The following GAD2 variants were observed in gnomAD, a reference collection of about 807,000 sequenced individuals.
GAD2 encodes glutamate decarboxylase 2.
A neutral mutation model predicts 80.1 loss-of-function variants in GAD2; 22 were observed. That is an observed-to-expected ratio of 0.27 (90% CI 0.20 to 0.39). The LOEUF (loss-of-function observed/expected upper bound fraction) is 0.39. Among genes scored for constraint, GAD2 ranks in the 10% least tolerant of loss-of-function variants. GAD2 has a pLI of 1.00. For missense variants in GAD2, 624 were observed against 738.4 expected (o/e 0.85, Z 1.80); for synonymous variants, 274 against 256.9 (o/e 1.07, Z -0.64).
chr10:26,241,342 A>G (rs1165017698), intron 7 of GAD2, among the ~76,000 whole-genome samples: 2 of 152,148 alleles, frequency 1.3e-5, no homozygotes, highest in African/African-American at 4.8e-5. Context: ...TGTAGCTTCC[A>G]ATTTTTGTTC....
At chr10:26,271,467 T>C (rs760524045) in intron 10 of GAD2, among the ~76,000 whole-genome samples, 26 of 152,346 alleles carry the variant, frequency 1.7e-4, no homozygotes, top group East Asian at 1.5e-3. Flanking sequence ...AGCTACCACC[T>C]GCAAACTGTT....
At chr10:26,293,019 T>C in intron 15 of GAD2, 28 bp downstream of exon 15, 1 of 1,537,828 alleles carries the variant, frequency 6.5e-7, no homozygotes, top group Non-Finnish European at 9.0e-7. Flanking sequence ...CTCTGATACA[T>C]GTGTGTATTG....
chr10:26,264,532 G>A (rs569199259), intron 8 of GAD2, among the ~76,000 whole-genome samples: 3 of 152,018 alleles, frequency 2.0e-5, no homozygotes, highest in South Asian at 4.2e-4. Context: ...GGATGGTCTC[G>A]ATCTCCTGAC....
intron 8 of GAD2, among the ~76,000 whole-genome samples, chr10:26,263,272 G>T (rs1845029635): frequency 6.6e-6 from 1 of 152,124 alleles, no homozygotes; most frequent in Non-Finnish European, 1.5e-5. Flanking sequence ...AATCATTATA[G>T]TTAAAGTTCT....
intron 7 of GAD2, among the ~76,000 whole-genome samples, chr10:26,237,021 G>A (rs1844680397): frequency 6.6e-6 from 1 of 152,232 alleles, no homozygotes; most frequent in South Asian, 2.1e-4. Flanking sequence ...GTGAGGTGCT[G>A]AGACACAACT....
In GAD2 at chr10:26,303,456, G is replaced by GAGGAAGGAAGGAAGGAAATGA. The variant is rs200283231; in HGVS notation, c.*2498_*2499insAAGGAAGGAAGGAAATGAAGG. The GAGGAAGGAAGGAAGGAAATGA allele has an allele frequency of 1.5e-5, 1 of 65,124 alleles. No individual in the cohort carries two copies. The highest frequency in any genetic ancestry group is 1.4e-4 in the Admixed American group (1 of 7,178). The allele number at this position is 65,124 out of a possible 1,614,324, so 4.0% of individuals were successfully genotyped here. ...AGAGTAAGGGAGGAAGGGAGGGAGG[G>GAGGAAGGAAGGAAGGAAATGA]AGGGAGGGAGGGAAGGAGGGAGGGA... On this transcript the variant is annotated 3_prime_UTR_variant, in exon 16 of 16. Coordinates refer to ENST00000376261, the MANE Select transcript of GAD2 (RefSeq NM_001134366.2).
chr10:26,279,676 C>A (rs1845250826), intron 11 of GAD2, among the ~76,000 whole-genome samples: 1 of 152,214 alleles, frequency 6.6e-6, no homozygotes, highest in African/African-American at 2.4e-5. Context: ...TGAACCAGGA[C>A]TACAGCTCAG....
intron 15 of GAD2, among the ~76,000 whole-genome samples, chr10:26,297,384 C>T (rs1834286448): frequency 1.3e-5 from 2 of 152,150 alleles, no homozygotes; most frequent in Non-Finnish European, 2.9e-5. Flanking sequence ...CTTTACTATG[C>T]ACCCTCTTTG....
Position 26,217,728 on chromosome 10 carries a change from C to A in GAD2, c.136+59C>A. Reference sequence around the variant, plus strand: ...GCCCGCGGGGTCCAAGCAGTCTTCTCACCTCCGCATCCCAGTCAGCGGAGT... The same window carrying A: ...GCCCGCGGGGTCCAAGCAGTCTTCTAACCTCCGCATCCCAGTCAGCGGAGT... On this transcript the variant is annotated intron_variant, in intron 2 of 15. Coordinates refer to ENST00000376261, the MANE Select transcript of GAD2 (RefSeq NM_001134366.2). This position sits in a 1 kb window ranked among gnomAD's most constrained non-coding sequence, Gnocchi z 4.9. 6.3e-7 allele frequency: 1 copy of A among 1,597,278 alleles called. No homozygotes were observed. The highest frequency in any genetic ancestry group is 1.1e-5 in the South Asian group (1 of 89,104).
intron 7 of GAD2, among the ~76,000 whole-genome samples, chr10:26,229,991 A>G (rs1278753371): frequency 6.6e-6 from 1 of 152,104 alleles, no homozygotes; most frequent in Non-Finnish European, 1.5e-5. Context: ...AGCCTGGGCA[A>G]TATAGTGAAA....
At chr10:26,282,738 CAA>C (rs1310172180) in intron 12 of GAD2, among the ~76,000 whole-genome samples, 2 of 152,282 alleles carry the variant, frequency 1.3e-5, no homozygotes, top group Middle Eastern at 3.4e-3. Context: ...ATTGCTGGGT[CAA>C]AGAGTGTTAT....
chr10:26,254,961 G>C lies in GAD2; in HGVS notation c.920+8961G>C, dbSNP rs76244543. On this transcript the variant is annotated intron_variant, in intron 8 of 15. Coordinates refer to ENST00000376261, the MANE Select transcript of GAD2 (RefSeq NM_001134366.2). ...TTCTCTGAGATAAGGGACCCTGTCT[G>C]AGGTGAACCATTCAGATTTGGAGAT... Among the ~76,000 whole-genome samples, 9 of 152,380 alleles carry C rather than the reference G, an allele frequency of 5.9e-5. No individual in the cohort carries two copies. The East Asian group carries it at 1.5e-3, about 26-fold the overall frequency.
At chr10:26,300,102 A>G (rs1442095721) in intron 15 of GAD2, among the ~76,000 whole-genome samples, 3 of 152,186 alleles carry the variant, frequency 2.0e-5, no homozygotes, top group Non-Finnish European at 4.4e-5. Flanking sequence ...ACTTAATTTC[A>G]TATACAATAG....
At chr10:26,223,857 A>G (rs1844485492) in intron 4 of GAD2, 30 bp from the exon 5 acceptor site, 1 of 1,437,850 alleles carries the variant, frequency 7.0e-7, no homozygotes, top group Admixed American at 1.8e-5. Context: ...ACTGGAGGCA[A>G]TCCTGATTCT....
At chr10:26,229,630 ATAAAG>A in intron 6 of GAD2, 27 bp from the exon 7 acceptor site, 2 of 1,460,724 alleles carry the variant, frequency 1.4e-6, no homozygotes, top group Non-Finnish European at 1.9e-6. Flanking sequence ...TTGATAATAA[ATAAAG>A]TAACTGCGTG....
At chr10:26,300,464 A>C (rs7906622) in intron 15 of GAD2, among the ~76,000 whole-genome samples, 1,631 of 152,254 alleles carry the variant, frequency 0.011, 24 homozygotes, top group African/African-American at 0.037. Flanking sequence ...AATGCCCCCA[A>C]ACGTCTTGCT....
intron 7 of GAD2, among the ~76,000 whole-genome samples, chr10:26,230,341 G>C (rs2132276397): frequency 6.6e-6 from 1 of 152,322 alleles, no homozygotes; most frequent in South Asian, 2.1e-4. Context: ...CAAAACTCCA[G>C]AGGAGCCTTT....
At chr10:26,292,392 G>C (rs3824694) in intron 13 of GAD2, 73 bp from the exon 14 acceptor site, 244,719 of 1,084,250 alleles carry the variant, frequency 0.23, 35,048 homozygotes, top group African/African-American at 0.66. Context: ...GCAGGATGAC[G>C]GTCAGTCTCC....
chr10:26,293,100 G>A, intron 15 of GAD2, 109 bp downstream of exon 15: 2 of 818,204 alleles, frequency 2.4e-6, no homozygotes, highest in South Asian at 1.5e-5. Flanking sequence ...CTGGGTACAT[G>A]GGCCCATTCC....
Sources: allele counts gnomAD v4.1 joint callset (sites outside exome capture counted in the v4.1 genomes callset), GRCh38; gene constraint gnomAD v4.1.1; non-coding constraint Gnocchi (gnomAD v3.1); transcripts MANE v1.5; gene names NCBI Gene and HGNC (gene_info 2026-07-23, HGNC 2026-07-21).